The following GRB2 variants were observed in gnomAD, a reference collection of about 807,000 sequenced individuals.
GRB2 encodes growth factor receptor bound protein 2, also known as growth factor receptor-bound protein 2.
In GRB2, 2 loss-of-function variants were observed where a neutral mutation model predicts 27.4. That is an observed-to-expected ratio of 0.07 (90% CI 0.03 to 0.23). The LOEUF (loss-of-function observed/expected upper bound fraction) is 0.23. GRB2 is among the 10% of genes least tolerant of loss of function. GRB2 has a pLI of 1.00. For missense variants in GRB2, 102 were observed against 282.4 expected (o/e 0.36, Z 4.58); for synonymous variants, 94 against 99.6 (o/e 0.94, Z 0.33).
In GRB2 at chr17:75,348,530, G is replaced by A. The variant is rs1181757414; in HGVS notation, c.79-15733C>T. ...TGTTAGGAAGCTGAAAAGGGAATAA[G>A]AATAAAAGGCATGGTCCCTGCCCTC... On this transcript the variant is annotated intron_variant, in intron 2 of 5. Coordinates refer to ENST00000316804, the MANE Select transcript of GRB2 (RefSeq NM_002086.5). Among the ~76,000 whole-genome samples the A allele has an allele frequency of 2.0e-5, 3 of 152,190 alleles. No homozygotes were observed. The East Asian group carries it at 5.8e-4, about 29-fold the overall frequency.
chr17:75,405,077 T>C (rs2079090559), intron 1 of GRB2: 1 of 152,096 alleles, frequency 6.6e-6, no homozygotes, highest in African/African-American at 2.4e-5. Context: ...GATGGTGACG[T>C]GGTTGCCGTG....
chr17:75,365,253 T>C (rs927446664), intron 2 of GRB2, among the ~76,000 whole-genome samples: 1 of 152,146 alleles, frequency 6.6e-6, no homozygotes, highest in Non-Finnish European at 1.5e-5. Flanking sequence ...CAGAAACGAA[T>C]GGCTCATCTT....
chr17:75,368,324 T>C (rs1598241799), intron 2 of GRB2, among the ~76,000 whole-genome samples: 1 of 151,194 alleles, frequency 6.6e-6, no homozygotes, highest in East Asian at 2.0e-4. Flanking sequence ...CAAGCGATTA[T>C]CCTGCCTCAG....
chr17:75,368,616 G>A lies in GRB2; in HGVS notation c.78+24935C>T, dbSNP rs145220828. Among the ~76,000 whole-genome samples, 130 of 151,442 alleles carry A rather than the reference G, an allele frequency of 8.6e-4. No individual in the cohort carries two copies. The Middle Eastern group carries it at 0.014, about 16-fold the overall frequency. Reference sequence around the variant, plus strand: ...AGTGGTGAGATCATAGCTCACTGCAGTCTCAACCTCCCGGCTCAAATGATC... The same window carrying A: ...AGTGGTGAGATCATAGCTCACTGCAATCTCAACCTCCCGGCTCAAATGATC... On this transcript the variant is annotated intron_variant, in intron 2 of 5. Coordinates refer to ENST00000316804, the MANE Select transcript of GRB2 (RefSeq NM_002086.5).
chr17:75,404,956 A>G (rs1249625429), intron 1 of GRB2: 1 of 93,678 alleles, frequency 1.1e-5, no homozygotes, highest in Non-Finnish European at 2.9e-5. Context: ...ATATTTTTCA[A>G]ATAGTTTTTT....
At chr17:75,364,687 T>C (rs1485219877) in intron 2 of GRB2, among the ~76,000 whole-genome samples, 1 of 152,092 alleles carries the variant, frequency 6.6e-6, no homozygotes, top group Non-Finnish European at 1.5e-5. Flanking sequence ...CAGGTTTCTA[T>C]TAGGGTTGTC....
intron 2 of GRB2, among the ~76,000 whole-genome samples, chr17:75,379,615 G>A (rs1177815712): frequency 6.6e-6 from 1 of 151,922 alleles, no homozygotes; most frequent in African/African-American, 2.4e-5. Context: ...GCCCAGGCTG[G>A]TCTTGAACTC....
chr17:75,332,227 G>T (rs937592385), intron 3 of GRB2, among the ~76,000 whole-genome samples: 1 of 152,134 alleles, frequency 6.6e-6, no homozygotes. Flanking sequence ...AGCATATTTT[G>T]TTCTCTTGTA....
At chr17:75,391,259 CAT>C (rs1402402893) in intron 2 of GRB2, among the ~76,000 whole-genome samples, 1 of 152,044 alleles carries the variant, frequency 6.6e-6, no homozygotes, top group Non-Finnish European at 1.5e-5. Flanking sequence ...AAAAGAACCA[CAT>C]ATATGTATTT....
At chr17:75,393,908 C>T (rs1017882113) in intron 1 of GRB2, 143 bp from the exon 2 acceptor site, 2 of 486,860 alleles carry the variant, frequency 4.1e-6, no homozygotes, top group African/African-American at 3.9e-5. Context: ...CAACAGCCCC[C>T]CCCCGCCGAC....
Position 75,320,177 on chromosome 17 carries a change from GT to G in GRB2, c.*190del. On this transcript the variant is annotated 3_prime_UTR_variant, in exon 6 of 6. Coordinates refer to ENST00000316804, the MANE Select transcript of GRB2 (RefSeq NM_002086.5). This position sits in a 1 kb window ranked among gnomAD's most constrained non-coding sequence, Gnocchi z 4.3. ...AAAACTCTTCTTAATTTATAGGTAA[GT>G]TTTGGCATTTTTAAATCCAACGCCC... 1 of 546,182 alleles carries G rather than the reference GT, an allele frequency of 1.8e-6. No individual in the cohort carries two copies. The highest frequency in any genetic ancestry group is 2.9e-5 in the East Asian group (1 of 34,548). 33.8% of individuals were successfully genotyped at this position (546,182 alleles called of 1,614,324 possible). A position where few individuals can be genotyped will look rare whatever the true frequency, so the allele number is the denominator to read the frequency against.
At chr17:75,328,043 C>T (rs1169430793) in intron 3 of GRB2, among the ~76,000 whole-genome samples, 1 of 152,220 alleles carries the variant, frequency 6.6e-6, no homozygotes, top group East Asian at 1.9e-4. Flanking sequence ...AAAGGACAGG[C>T]TGGGCCCGGT....
intron 2 of GRB2, among the ~76,000 whole-genome samples, chr17:75,374,050 C>T (rs1016463344): frequency 3.3e-5 from 5 of 151,748 alleles, no homozygotes; most frequent in African/African-American, 1.2e-4. Flanking sequence ...CCACCTCAGC[C>T]TCCCAAAGTG....
chr17:75,389,076 A>G (rs1434030657), intron 2 of GRB2, among the ~76,000 whole-genome samples: 2 of 152,072 alleles, frequency 1.3e-5, no homozygotes, highest in African/African-American at 4.8e-5. Context: ...GCCCCCTTGC[A>G]ATTCTTTATA....
At position 75,318,274 on chromosome 17, in the gene GRB2, A is replaced by G. The variant is rs1331272472; in HGVS notation, c.*2094T>C. On this transcript the variant is annotated 3_prime_UTR_variant, in exon 6 of 6. Coordinates refer to ENST00000316804, the MANE Select transcript of GRB2 (RefSeq NM_002086.5). The stretch of plus-strand genomic sequence containing the variant: ...TAAAACAATCAAATGGTCCAGGTGT[A>G]GAATGCCAGATTCCTTTTATCATCT... 1 of 152,256 alleles carries G rather than the reference A, an allele frequency of 6.6e-6. No homozygotes were observed. Among genetic ancestry groups the G allele is most frequent in the Non-Finnish European group, 1.5e-5 (1 of 68,054 alleles). The allele number at this position is 152,256 out of a possible 1,614,324, so 9.4% of individuals were successfully genotyped here.
At chr17:75,356,491 G>C (rs1258631493) in intron 2 of GRB2, among the ~76,000 whole-genome samples, 1 of 152,164 alleles carries the variant, frequency 6.6e-6, no homozygotes, top group African/African-American at 2.4e-5. Context: ...CTAAGTGACA[G>C]GGCAAGACCC....
chr17:75,378,354 G>T (rs983435904), intron 2 of GRB2, among the ~76,000 whole-genome samples: 1 of 151,932 alleles, frequency 6.6e-6, no homozygotes, highest in Non-Finnish European at 1.5e-5. Context: ...CCGCATTTCA[G>T]CCTGGGCAAC....
In GRB2 at chr17:75,320,910, G is replaced by A. The variant is rs1052659661; in HGVS notation, c.469-357C>T. 1.1e-4 allele frequency among the ~76,000 whole-genome samples: 17 copies of A among 152,048 alleles called. No homozygotes were observed. Among genetic ancestry groups the A allele is most frequent in the African/African-American group, 4.1e-4 (17 of 41,384 alleles). On this transcript the variant is annotated intron_variant, in intron 5 of 5. Coordinates refer to ENST00000316804, the MANE Select transcript of GRB2 (RefSeq NM_002086.5). The surrounding 1 kb of genome is among the most constrained non-coding windows in gnomAD (Gnocchi z 4.3). ...GCCCAGAATCGCAAATCCCTTCTACGACACCCTTAAGGTATTAAAGCCTAA... is the reference window on the plus strand; with the variant it reads ...GCCCAGAATCGCAAATCCCTTCTACAACACCCTTAAGGTATTAAAGCCTAA...
At chr17:75,375,471 C>G (rs1380570543) in intron 2 of GRB2, among the ~76,000 whole-genome samples, 1 of 151,972 alleles carries the variant, frequency 6.6e-6, no homozygotes, top group Non-Finnish European at 1.5e-5. Context: ...GAATAAAAAT[C>G]TATCTCAAGC....
Sources: allele counts gnomAD v4.1 joint callset (sites outside exome capture counted in the v4.1 genomes callset), GRCh38; gene constraint gnomAD v4.1.1; non-coding constraint Gnocchi (gnomAD v3.1); transcripts MANE v1.5; gene names NCBI Gene and HGNC (gene_info 2026-07-23, HGNC 2026-07-21).